Variants in SDSL observed in about 807,000 individuals in gnomAD.
The protein encoded by SDSL is serine dehydratase-like.
SDSL carries 26 observed loss-of-function variants against 27.6 expected under a neutral mutation model. That is an observed-to-expected ratio of 0.94 (90% CI 0.69 to 1.31). SDSL has a LOEUF of 1.31. Among genes scored for constraint, SDSL ranks in the 50% most tolerant of loss-of-function variants. The pLI is 0.00. For missense variants in SDSL, 431 were observed against 423.5 expected (o/e 1.02, Z -0.16); for synonymous variants, 196 against 180.6 (o/e 1.09, Z -0.69).
intron 1 of SDSL, among the ~76,000 whole-genome samples, chr12:113,427,472 C>T (rs781362683): frequency 1.3e-5 from 2 of 152,238 alleles, no homozygotes; most frequent in African/African-American, 4.8e-5. Flanking sequence ...CCATAACAAA[C>T]GTTTTTACAA....
chr12:113,423,165 A>G (rs1186585791), intron 1 of SDSL, among the ~76,000 whole-genome samples: 1 of 152,214 alleles, frequency 6.6e-6, no homozygotes, highest in East Asian at 1.9e-4. Flanking sequence ...GTGAGTCAGT[A>G]TAACCAAGAG....
In SDSL at chr12:113,438,153, TGCTGGCAGATGGCAGTGGAA is replaced by T. The variant is rs1298761373; in HGVS notation, c.*79_*98del. The T allele has an allele frequency of 7.6e-7, 1 of 1,312,030 alleles. No individual in the cohort carries two copies. The highest frequency in any genetic ancestry group is 1.5e-5 in the African/African-American group (1 of 67,686). 81.3% of individuals were successfully genotyped at this position (1,312,030 alleles called of 1,614,324 possible). On this transcript the variant is annotated 3_prime_UTR_variant, in exon 8 of 8. Transcript: ENST00000403593. ...CTGTGTCTGGATGAGGAGGACTCAG[TGCTGGCAGATGGCAGTGGAA>T]GCTGCCCTGTGCAACTGTGCTGGCT...
chr12:113,429,014 G>C lies in SDSL; in HGVS notation c.215-146G>C, dbSNP rs764575905. On this transcript the variant is annotated intron_variant, in intron 3 of 7. Coordinates refer to ENST00000403593, the MANE Select transcript of SDSL (RefSeq NM_001304993.2). ...TTCTGATTGGCTCAACCTAAATTAT[G>C]TGTCCCCCTCTTGAGTGGAGGAAGG... The C allele has an allele frequency of 3.3e-4, 308 of 921,098 alleles. 3 individuals carry two copies. The highest frequency in any genetic ancestry group is 4.8e-4 in the Non-Finnish European group (302 of 632,824). The allele number at this position is 921,098 out of a possible 1,614,324, so 57.1% of individuals were successfully genotyped here.
chr12:113,432,396 C>T (rs2136957078), intron 4 of SDSL, among the ~76,000 whole-genome samples: 1 of 152,136 alleles, frequency 6.6e-6, no homozygotes, highest in Admixed American at 6.5e-5. Flanking sequence ...AGCTGGAGCG[C>T]AGTGGCGCCA....
intron 1 of SDSL, chr12:113,425,533 T>C (rs1957836428): frequency 1.8e-5 from 7 of 383,264 alleles, no homozygotes; most frequent in Non-Finnish European, 3.6e-5. Flanking sequence ...TAGCGGCCAA[T>C]AATGGAATGG....
At chr12:113,426,662 A>G (rs1216145166) in intron 1 of SDSL, among the ~76,000 whole-genome samples, 1 of 152,154 alleles carries the variant, frequency 6.6e-6, no homozygotes, top group Non-Finnish European at 1.5e-5. Context: ...CTTAGGCCAG[A>G]TGCAGTGACT....
chr12:113,430,472 G>T (rs1957908027), intron 4 of SDSL, among the ~76,000 whole-genome samples: 1 of 152,138 alleles, frequency 6.6e-6, no homozygotes, highest in African/African-American at 2.4e-5. Flanking sequence ...GGAGGGTTAG[G>T]GTGGTTCTGC....
At chr12:113,425,853 G>A (rs1050566295) in intron 1 of SDSL, 2 of 396,538 alleles carry the variant, frequency 5.0e-6, no homozygotes, top group African/African-American at 4.2e-5. Context: ...ATCAGGCGTG[G>A]TGACGTGTGC....
chr12:113,434,924 G>T (rs969092154), intron 5 of SDSL, among the ~76,000 whole-genome samples: 8 of 152,218 alleles, frequency 5.3e-5, no homozygotes, highest in African/African-American at 1.9e-4. Context: ...AGGCCAACCT[G>T]GCCAACATGG....
chr12:113,436,369 A>C (rs1021599587), intron 6 of SDSL, among the ~76,000 whole-genome samples: 1 of 151,708 alleles, frequency 6.6e-6, no homozygotes, highest in African/African-American at 2.4e-5. Flanking sequence ...GCTCACTGCA[A>C]CCTCTACCTG....
intron 4 of SDSL, among the ~76,000 whole-genome samples, chr12:113,431,600 G>A (rs1489600149): frequency 2.7e-5 from 4 of 150,450 alleles, no homozygotes; most frequent in Admixed American, 2.6e-4. Flanking sequence ...TTGAGACAGA[G>A]TCTTATTCTG....
At chr12:113,426,208 C>T (rs1249677993) in intron 1 of SDSL, 3 of 455,886 alleles carry the variant, frequency 6.6e-6, no homozygotes, top group Admixed American at 2.4e-5. Context: ...ATTTCTCCCT[C>T]GAGGTGGTCC....
rs138695685 is a variant in SDSL, at chr12:113,426,182, C to T, written c.-21-1780C>T. ...CCCAAACCCCTTCTGTCTGCATCCG[C>T]GGCACCCCAAAGTGCATTTCTCCCT... is the stretch of plus-strand genomic sequence containing the variant. On this transcript the variant is annotated intron_variant, in intron 1 of 7. Transcript: ENST00000403593. The T allele has an allele frequency of 1.8e-3, 838 of 455,952 alleles. 9 individuals are homozygous for T. The highest frequency in any genetic ancestry group is 6.4e-3 in the South Asian group (416 of 64,524). The allele number at this position is 455,952 out of a possible 1,614,324, so 28.2% of individuals were successfully genotyped here. A position where few individuals can be genotyped will look rare whatever the true frequency, so the allele number is the denominator to read the frequency against.
In SDSL at chr12:113,437,905, G is replaced by T; in HGVS notation, c.816G>T (p.Val272=). The change falls in exon 8 of 8, where the codon GTG becomes GTT. Residue 272 remains valine, a synonymous_variant. Transcript: ENST00000403593. ...TGGCAGATGATGAGCGTATGCTGGTGGAGCCTGCCTGTGGGGCAGCCTTAG... is the reference window on the plus strand; with the variant it reads ...TGGCAGATGATGAGCGTATGCTGGTTGAGCCTGCCTGTGGGGCAGCCTTAG... The part of the protein sequence containing the change: ...QQLLDDERML[V]EPACGAALAA... 6.2e-7 allele frequency: 1 copy of T among 1,609,484 alleles called. No individual in the cohort carries two copies. Among genetic ancestry groups the T allele is most frequent in the South Asian group, 1.1e-5 (1 of 90,506 alleles).
At chr12:113,431,207 A>T (rs1957917475) in intron 4 of SDSL, among the ~76,000 whole-genome samples, 1 of 152,172 alleles carries the variant, frequency 6.6e-6, no homozygotes, top group Non-Finnish European at 1.5e-5. Flanking sequence ...GGATGGTGAA[A>T]GGTGAGGCTG....
intron 4 of SDSL, among the ~76,000 whole-genome samples, chr12:113,432,270 T>TTCTTCTCTC (rs1957939389): frequency 1.7e-5 from 2 of 116,266 alleles, no homozygotes; most frequent in African/African-American, 6.4e-5. Context: ...CTTTCTTTCT[T>TTCTTCTCTC]TCTTTCTTTC....
At chr12:113,431,246 G>A (rs1204229683) in intron 4 of SDSL, among the ~76,000 whole-genome samples, 1 of 152,210 alleles carries the variant, frequency 6.6e-6, no homozygotes, top group African/African-American at 2.4e-5. Flanking sequence ...CCATCAGGCA[G>A]GGTGGCTTGT....
intron 4 of SDSL, among the ~76,000 whole-genome samples, chr12:113,431,996 C>G (rs537017668): frequency 6.7e-6 from 1 of 149,970 alleles, no homozygotes; most frequent in Non-Finnish European, 1.5e-5. Flanking sequence ...ACCTCGTGAT[C>G]CACCTGACTT....
chr12:113,428,481 T>C, intron 3 of SDSL, 22 bp downstream of exon 3: 1 of 1,607,930 alleles, frequency 6.2e-7, no homozygotes, highest in Non-Finnish European at 8.5e-7. Flanking sequence ...TTTTTTTGTT[T>C]CATGGGCAGA....
Sources: allele counts gnomAD v4.1 joint callset (sites outside exome capture counted in the v4.1 genomes callset), GRCh38; gene constraint gnomAD v4.1.1; transcripts MANE v1.5; gene names NCBI Gene and HGNC (gene_info 2026-07-23, HGNC 2026-07-21).